MBTPS2: variants seen among roughly 807,000 people sequenced by gnomAD.
MBTPS2 encodes membrane bound transcription factor peptidase, site 2.
Under a neutral mutation model 35.4 loss-of-function variants are expected in MBTPS2, and 2 were observed. The ratio of observed to expected loss-of-function variants is 0.06; its 90% CI spans 0.02 to 0.18. MBTPS2 has a LOEUF of 0.18. MBTPS2 is among the 10% of genes least tolerant of loss of function. The probability of loss-of-function intolerance (pLI) is 1.00; values close to 1 mark genes in which losing one functional copy is unlikely to be tolerated. For synonymous variants in MBTPS2, 125 were observed against 140.4 expected, an observed-to-expected ratio of 0.89 and a Z score of 0.77; for missense variants, 244 against 386.5, an observed-to-expected ratio of 0.63 and a Z score of 3.09.
intron 5 of MBTPS2, among the ~76,000 whole-genome samples, chrX:21,863,662 C>A (rs2092936049): frequency 9.0e-6 from 1 of 111,689 alleles, no homozygotes; most frequent in African/African-American, 3.3e-5. Flanking sequence ...ATGTCCAAAA[C>A]TAAGACTAAA....
chrX:21,883,007 G>A lies in MBTPS2; in HGVS notation c.*352G>A. On this transcript the variant is annotated 3_prime_UTR_variant, in exon 11 of 11. Coordinates refer to ENST00000379484, the MANE Select transcript of MBTPS2 (RefSeq NM_015884.4). ...AGAACAGAACTGGGTGGAATTAATTGGGAAAAACTTCTTACAAAAGCATCA... is the reference window on the plus strand; with the variant it reads ...AGAACAGAACTGGGTGGAATTAATTAGGAAAAACTTCTTACAAAAGCATCA... 2 of 834,391 alleles carry A rather than the reference G, an allele frequency of 2.4e-6. No homozygotes were observed. Among genetic ancestry groups the A allele is most frequent in the Non-Finnish European group, 1.5e-6 (1 of 688,592 alleles). 68.8% of individuals were successfully genotyped at this position (834,391 alleles called of 1,213,427 possible). A position where few individuals can be genotyped will look rare whatever the true frequency, so the allele number is the denominator to read the frequency against.
At chrX:21,848,736 C>T (rs1160201952) in intron 3 of MBTPS2, among the ~76,000 whole-genome samples, 1 of 111,115 alleles carries the variant, frequency 9.0e-6, no homozygotes, top group East Asian at 2.8e-4. Flanking sequence ...ATGATTATAA[C>T]TAGTTTCTTA....
At chrX:21,879,663 A>G (rs1030572381) in intron 9 of MBTPS2, among the ~76,000 whole-genome samples, 1 of 111,028 alleles carries the variant, frequency 9.0e-6, no homozygotes, top group African/African-American at 3.3e-5. Context: ...AAGAAACTCC[A>G]TAACCATTAA....
At chrX:21,843,779 T>C (rs751709760) in intron 2 of MBTPS2, among the ~76,000 whole-genome samples, 1 of 111,439 alleles carries the variant, frequency 9.0e-6, no homozygotes, top group East Asian at 2.8e-4. Context: ...ATAGAAAATA[T>C]ACAATAGAGA....
intron 3 of MBTPS2, among the ~76,000 whole-genome samples, chrX:21,846,666 G>A (rs1343187734): frequency 1.8e-5 from 2 of 112,337 alleles, no homozygotes; most frequent in South Asian, 3.6e-4. Context: ...CACTGCGCTC[G>A]GCCTATGCTC....
intron 5 of MBTPS2, among the ~76,000 whole-genome samples, chrX:21,860,340 G>A (rs906393957): frequency 3.6e-5 from 4 of 111,539 alleles, no homozygotes; most frequent in African/African-American, 1.3e-4. Context: ...TTGAACCCAG[G>A]AGGTGGAGGT....
At chrX:21,857,794 CATAAG>C in intron 5 of MBTPS2, 1 of 472,816 alleles carries the variant, frequency 2.1e-6, no homozygotes, top group Non-Finnish European at 3.4e-6. Context: ...TAAACCTTGA[CATAAG>C]ATAATAGTGC....
At chrX:21,840,900 A>C (rs764088862) in intron 1 of MBTPS2, among the ~76,000 whole-genome samples, 7 of 111,963 alleles carry the variant, frequency 6.3e-5, no homozygotes, top group Non-Finnish European at 1.3e-4. Flanking sequence ...CTCATCTTTA[A>C]ATAGAGATAA....
intron 1 of MBTPS2, among the ~76,000 whole-genome samples, chrX:21,842,581 C>T (rs1482604400): frequency 3.6e-5 from 4 of 111,007 alleles, no homozygotes; most frequent in African/African-American, 9.8e-5. Context: ...TGAAATTCAA[C>T]GAAGTAATGC....
intron 7 of MBTPS2, among the ~76,000 whole-genome samples, chrX:21,874,447 A>C (rs1316454636): frequency 1.8e-5 from 2 of 111,416 alleles, no homozygotes; most frequent in East Asian, 5.6e-4. Flanking sequence ...TATGTGTTAT[A>C]TATTTAATAA....
In MBTPS2 at chrX:21,843,307, G is replaced by A. The variant is rs767675041; in HGVS notation, c.213G>A (p.Met71Ile). ...GTTGGGGACGGCGGAAAGCAAGGATGCTTTACCAATGGTATTCTTCATCTT... is the reference window on the plus strand; with the variant it reads ...GTTGGGGACGGCGGAAAGCAAGGATACTTTACCAATGGTATTCTTCATCTT... Reference protein sequence around the residue: ...FYSWGRRKARMLYQWFNFGMV... With the variant: ...FYSWGRRKARILYQWFNFGMV... Residue 71 changes from methionine to isoleucine, a missense_variant, in exon 2 of 11, where the codon ATG becomes ATA. Transcript: ENST00000379484. 9 of 1,211,039 alleles carry A rather than the reference G, an allele frequency of 7.4e-6. No homozygotes were observed. The East Asian group carries it at 2.7e-4, about 36-fold the overall frequency.
At chrX:21,872,794 C>T (rs956446015) in intron 7 of MBTPS2, 2 of 107,904 alleles carry the variant, frequency 1.9e-5, no homozygotes, top group African/African-American at 6.7e-5. Flanking sequence ...CACTACATCA[C>T]TTGACTAGCC....
intron 5 of MBTPS2, among the ~76,000 whole-genome samples, chrX:21,863,289 T>A (rs59407089): frequency 0.02 from 2,092 of 104,872 alleles, 64 homozygotes; most frequent in African/African-American, 0.067. Flanking sequence ...AAATTAAATT[T>A]AAAAAAAAAT....
At chrX:21,875,331 G>A (rs1456835005) in intron 7 of MBTPS2, among the ~76,000 whole-genome samples, 3 of 112,044 alleles carry the variant, frequency 2.7e-5, no homozygotes, top group Admixed American at 1.9e-4. Context: ...AAGATCTGTC[G>A]ATTCTGGGCC....
chrX:21,857,363 T>A (rs1169948298), intron 5 of MBTPS2: 1 of 1,210,884 alleles, frequency 8.3e-7, no homozygotes, highest in African/African-American at 1.7e-5. Context: ...AAGCTTTTCT[T>A]GAGAGCTCAA....
chrX:21,866,890 G>A (rs761509069), intron 5 of MBTPS2, among the ~76,000 whole-genome samples: 9 of 109,535 alleles, frequency 8.2e-5, no homozygotes, highest in African/African-American at 2.7e-4. Context: ...TTAGCCGGGC[G>A]TGGTGGTGGG....
At chrX:21,859,378 T>C (rs1456070333) in intron 5 of MBTPS2, among the ~76,000 whole-genome samples, 3 of 79,124 alleles carry the variant, frequency 3.8e-5, no homozygotes, top group Non-Finnish European at 4.9e-5. Context: ...GGTTGTATTA[T>C]TAGATGTTAA....
rs749538566 is a variant in MBTPS2, at chrX:21,849,205, T to C, written c.439-2304T>C. Among the ~76,000 whole-genome samples, 10 of 111,863 alleles carry C rather than the reference T, an allele frequency of 8.9e-5. No individual in the cohort carries two copies. The South Asian group carries it at 2.6e-3, about 29-fold the overall frequency. The stretch of plus-strand genomic sequence containing the variant: ...AATAGATTTGACTACCTAAATTTTA[T>C]ATATCAAAAACTAAAAACAAAGTAA... On this transcript the variant is annotated intron_variant, in intron 3 of 10. Coordinates refer to ENST00000379484, the MANE Select transcript of MBTPS2 (RefSeq NM_015884.4).
chrX:21,868,216 G>C (rs772969784), intron 5 of MBTPS2, among the ~76,000 whole-genome samples: 13 of 111,622 alleles, frequency 1.2e-4, no homozygotes, highest in Admixed American at 1.9e-4. Flanking sequence ...AGTTCTATCA[G>C]TATCAAATCA....
Sources: allele counts gnomAD v4.1 joint callset (sites outside exome capture counted in the v4.1 genomes callset), GRCh38; gene constraint gnomAD v4.1.1; transcripts MANE v1.5; gene names NCBI Gene and HGNC (gene_info 2026-07-23, HGNC 2026-07-21).